Variants in FAT3 observed in about 807,000 individuals in gnomAD.
The protein encoded by FAT3 is protocadherin Fat 3.
A neutral mutation model predicts 310.2 loss-of-function variants in FAT3; 95 were observed. The ratio of observed to expected loss-of-function variants is 0.31; its 90% confidence interval spans 0.26 to 0.36. The LOEUF (loss-of-function observed/expected upper bound fraction) is 0.36, where lower values mean the gene tolerates loss of function less well. Among genes scored for constraint, FAT3 ranks in the 10% least tolerant of loss-of-function variants. The pLI is 1.00. For missense variants in FAT3, 5,408 were observed against 5,715.6 expected, an observed-to-expected ratio of 0.95 and a Z score of 1.74; for synonymous variants, 2,314 against 2,192.9, an observed-to-expected ratio of 1.06 and a Z score of -1.54.
chr11:92,651,834 C>T (rs539162052), intron 3 of FAT3, among the ~76,000 whole-genome samples: 1 of 152,138 alleles, frequency 6.6e-6, no homozygotes, highest in Middle Eastern at 3.2e-3. Context: ...AAATTTTATT[C>T]CCCAGCTCTT....
intron 2 of FAT3, among the ~76,000 whole-genome samples, chr11:92,411,321 T>C (rs183965931): frequency 2.6e-5 from 4 of 151,810 alleles, no homozygotes; most frequent in Admixed American, 1.3e-4. Flanking sequence ...AAAGTCTCAT[T>C]AGACCAAAAT....
chr11:92,386,466 G>T (rs1447491802), intron 2 of FAT3, among the ~76,000 whole-genome samples: 1 of 152,184 alleles, frequency 6.6e-6, no homozygotes, highest in Non-Finnish European at 1.5e-5. Context: ...GTATAAAGTT[G>T]TTCATGTATC....
intron 24 of FAT3, among the ~76,000 whole-genome samples, chr11:92,886,151 A>T (rs1441228430): frequency 6.6e-6 from 1 of 152,104 alleles, no homozygotes; most frequent in East Asian, 1.9e-4. Flanking sequence ...GCCAAAACTC[A>T]CATTTCCCCC....
At chr11:92,439,910 T>G (rs1951028726) in intron 2 of FAT3, among the ~76,000 whole-genome samples, 1 of 151,242 alleles carries the variant, frequency 6.6e-6, no homozygotes, top group African/African-American at 2.4e-5. Context: ...AGTGAGACCC[T>G]GTCTCAAAAA....
Position 92,883,104 on chromosome 11 carries a change from G to T in FAT3, c.12648G>T (p.Gly4216=), listed in dbSNP as rs1949713263. The change falls in exon 24 of 28, where the codon GGG becomes GGT. Residue 4216 remains glycine, a synonymous_variant. Transcript: ENST00000525166. The surrounding 1 kb of genome is among the most constrained non-coding windows in gnomAD (Gnocchi z 4.2). ...CGTTCCGGAACCTGCGCGGCAGTGG[G>T]GACGGCCGCAACGTCTACCAGGAGG... ...GIPFRNLRGS[G]DGRNVYQEVG... is the part of the protein sequence containing the mutation. 6.2e-7 allele frequency: 1 copy of T among 1,613,704 alleles called. No homozygotes were observed.
At chr11:92,430,015 A>T (rs1950730726) in intron 2 of FAT3, among the ~76,000 whole-genome samples, 1 of 152,318 alleles carries the variant, frequency 6.6e-6, no homozygotes, top group African/African-American at 2.4e-5. Flanking sequence ...AGGTATACTA[A>T]TCAAAGGTAG....
At chr11:92,225,810 G>T (rs973962042) in intron 1 of FAT3, among the ~76,000 whole-genome samples, 2 of 152,158 alleles carry the variant, frequency 1.3e-5, no homozygotes, top group Non-Finnish European at 2.9e-5. Context: ...GCGGCTCTTC[G>T]ACTGGGGACG....
rs564467671 is a variant in FAT3 at position 92,699,688 on chromosome 11, G to A, written c.3669+2243G>A. On this transcript the variant is annotated intron_variant, in intron 4 of 27. Transcript: ENST00000525166. ...TTTTGGAATTTGGGTTTTCACATTAGGGATATTCAACTTGTATCTGGTATC... is the reference window on the plus strand; with the variant it reads ...TTTTGGAATTTGGGTTTTCACATTAAGGATATTCAACTTGTATCTGGTATC... 1.8e-4 allele frequency among the ~76,000 whole-genome samples: 27 copies of A among 152,266 alleles called. No homozygotes were observed. The South Asian group carries it at 5.4e-3, about 30-fold the overall frequency.
chr11:92,409,297 C>T lies in FAT3; in HGVS notation c.3292+53893C>T, dbSNP rs563958385. Among the ~76,000 whole-genome samples the T allele has an allele frequency of 3.8e-4, 57 of 151,840 alleles. No individual in the cohort carries two copies. In the South Asian group the frequency reaches 8.7e-3, roughly 23 times the overall value. ...GTGTGTATGTGTGTATATAAACACACGAGTAGAGCCTGAACAGCAACACTT... is the reference window on the plus strand; with the variant it reads ...GTGTGTATGTGTGTATATAAACACATGAGTAGAGCCTGAACAGCAACACTT... On this transcript the variant is annotated intron_variant, in intron 2 of 27. Coordinates refer to ENST00000525166, the MANE Select transcript of FAT3 (RefSeq NM_001367949.2).
In FAT3 at chr11:92,479,039, T is replaced by C. The variant is rs145938819; in HGVS notation, c.3293-45595T>C. On this transcript the variant is annotated intron_variant, in intron 2 of 27. Transcript: ENST00000525166. ...TTTTTAGAGACAGGGTCTTGCACTT[T>C]TGCCCAGGCTGGAGTGCAGCGGGGT... Among the ~76,000 whole-genome samples, 132 of 151,148 alleles carry C rather than the reference T, an allele frequency of 8.7e-4. 1 individual carries two copies. The highest frequency in any genetic ancestry group is 2.9e-3 in the African/African-American group (121 of 41,044).
At chr11:92,593,653 C>T (rs1939554572) in intron 3 of FAT3, among the ~76,000 whole-genome samples, 1 of 152,076 alleles carries the variant, frequency 6.6e-6, no homozygotes, top group South Asian at 2.1e-4. Context: ...GGGTAACTAA[C>T]ATAAATCTAA....
intron 4 of FAT3, among the ~76,000 whole-genome samples, chr11:92,747,856 G>A (rs1230048963): frequency 6.6e-6 from 1 of 152,152 alleles, no homozygotes; most frequent in African/African-American, 2.4e-5. Context: ...ACCTCAGCCT[G>A]GACTTTATTG....
At chr11:92,233,171 G>A (rs1864262319) in intron 1 of FAT3, among the ~76,000 whole-genome samples, 1 of 152,218 alleles carries the variant, frequency 6.6e-6, no homozygotes, top group Non-Finnish European at 1.5e-5. Context: ...ACATGGTTCA[G>A]TTAGTCCTTG....
At chr11:92,267,101 C>T (rs1707880854) in intron 1 of FAT3, among the ~76,000 whole-genome samples, 1 of 151,680 alleles carries the variant, frequency 6.6e-6, no homozygotes, top group Non-Finnish European at 1.5e-5. Flanking sequence ...TCCCATCCTG[C>T]CGACTTTTGC....
chr11:92,613,384 T>G (rs1160481491), intron 3 of FAT3, among the ~76,000 whole-genome samples: 1 of 111,920 alleles, frequency 8.9e-6, no homozygotes, highest in Non-Finnish European at 1.8e-5. Flanking sequence ...AGTTCAAAAG[T>G]AATTAAATAT....
At chr11:92,623,006 T>C (rs993190521) in intron 3 of FAT3, among the ~76,000 whole-genome samples, 1 of 152,150 alleles carries the variant, frequency 6.6e-6, no homozygotes, top group African/African-American at 2.4e-5. Context: ...CAAGCTTGGA[T>C]TCAAGGCACT....
intron 3 of FAT3, among the ~76,000 whole-genome samples, chr11:92,541,811 C>T (rs11019988): frequency 0.15 from 22,850 of 151,948 alleles, 1,896 homozygotes; most frequent in East Asian, 0.29. Flanking sequence ...TTGGAAAATG[C>T]CCGTTACTTT....
chr11:92,667,374 C>G lies in FAT3; in HGVS notation c.3608-30010C>G, dbSNP rs543354509. On this transcript the variant is annotated intron_variant, in intron 3 of 27. Coordinates refer to ENST00000525166, the MANE Select transcript of FAT3 (RefSeq NM_001367949.2). ...TCTCCACACCTTCTTGTACCCTTTC[C>G]CCTCTTACTTAACCCCAGCAGGCTC... 2.0e-5 allele frequency among the ~76,000 whole-genome samples: 3 copies of G among 152,188 alleles called. No individual in the cohort carries two copies. The South Asian group carries it at 6.2e-4, about 32-fold the overall frequency.
At chr11:92,623,166 CCATGTTGCTA>C (rs776338980) in intron 3 of FAT3, among the ~76,000 whole-genome samples, 26 of 95,046 alleles carry the variant, frequency 2.7e-4, no homozygotes, top group East Asian at 7.3e-4. Context: ...TGCCATAGTC[CCATGTTGCTA>C]CATGTTGCTA....
Sources: allele counts gnomAD v4.1 joint callset (sites outside exome capture counted in the v4.1 genomes callset), GRCh38; gene constraint gnomAD v4.1.1; non-coding constraint Gnocchi (gnomAD v3.1); transcripts MANE v1.5; gene names NCBI Gene and HGNC (gene_info 2026-07-23, HGNC 2026-07-21).